The following LOC400499 variants were observed in gnomAD, a reference collection of about 807,000 sequenced individuals.
chr16:11,502,072 C>G, the LOC400499 span: 14 of 399,040 alleles, frequency 3.5e-5, no homozygotes, highest in African/African-American at 2.7e-4. Flanking sequence ...GGAGAGGGAC[C>G]TTACCCATTG....
At chr16:11,476,196 CGAGGAGG>C in the LOC400499 span, among the ~76,000 whole-genome samples, 1 of 151,508 alleles carries the variant, frequency 6.6e-6, no homozygotes, top group African/African-American at 2.4e-5. Context: ...GGGGCAGATG[CGAGGAGG>C]GAGGAGGGAG....
chr16:11,387,400 G>C, the LOC400499 span: 5 of 929,770 alleles, frequency 5.4e-6, no homozygotes, highest in Non-Finnish European at 7.0e-6. Context: ...GCAGTGGAGA[G>C]CATGAGGGTG....
At chr16:11,384,363 C>G in the LOC400499 span, 1 of 1,134,824 alleles carries the variant, frequency 8.8e-7, no homozygotes, top group Non-Finnish European at 1.1e-6. Flanking sequence ...GCCGTAAGAC[C>G]CTGTGATCCT....
the LOC400499 span, chr16:11,494,573 A>G: frequency 2.5e-6 from 1 of 397,946 alleles, no homozygotes; most frequent in African/African-American, 2.1e-5. Flanking sequence ...GGATGTCCTC[A>G]CCTTGTCATC....
At chr16:11,412,327 T>C in the LOC400499 span, among the ~76,000 whole-genome samples, 2 of 152,312 alleles carry the variant, frequency 1.3e-5, no homozygotes, top group African/African-American at 4.8e-5. Flanking sequence ...GTGGCCTCTA[T>C]ACACTGACTC....
the LOC400499 span, among the ~76,000 whole-genome samples, chr16:11,415,247 G>A: frequency 1.3e-5 from 2 of 152,302 alleles, no homozygotes; most frequent in African/African-American, 4.8e-5. Flanking sequence ...AACTCCCTTT[G>A]CTATACAGAG....
chr16:11,382,213 C>T, the LOC400499 span, among the ~76,000 whole-genome samples: 6 of 152,264 alleles, frequency 3.9e-5, no homozygotes, highest in Non-Finnish European at 8.8e-5. Context: ...GCTGGGATTA[C>T]AGGCATAAGC....
the LOC400499 span, among the ~76,000 whole-genome samples, chr16:11,389,243 C>T: frequency 6.6e-6 from 1 of 152,176 alleles, no homozygotes. Flanking sequence ...TAGGATCCAC[C>T]CCCCCATCTC....
At chr16:11,444,699 C>G in the LOC400499 span, among the ~76,000 whole-genome samples, 1 of 152,206 alleles carries the variant, frequency 6.6e-6, no homozygotes, top group African/African-American at 2.4e-5. Flanking sequence ...TGAGCACCTA[C>G]TGTGTACCAA....
At chr16:11,519,221 G>A in the LOC400499 span, among the ~76,000 whole-genome samples, 14 of 152,254 alleles carry the variant, frequency 9.2e-5, 1 homozygote, top group Admixed American at 6.5e-4. Context: ...CCAAAAAGAC[G>A]CTGGAAGTTT....
the LOC400499 span, among the ~76,000 whole-genome samples, chr16:11,510,935 G>C: frequency 6.6e-6 from 1 of 151,462 alleles, no homozygotes. Flanking sequence ...AACGGGGCCA[G>C]GATGATGTGA....
the LOC400499 span, among the ~76,000 whole-genome samples, chr16:11,458,087 G>C: frequency 9.2e-5 from 14 of 152,346 alleles, no homozygotes; most frequent in East Asian, 1.4e-3. Flanking sequence ...GCTCACGCCA[G>C]TAATCCCAAC....
the LOC400499 span, among the ~76,000 whole-genome samples, chr16:11,522,741 C>G: frequency 1.3e-5 from 2 of 152,188 alleles, no homozygotes; most frequent in African/African-American, 4.8e-5. Flanking sequence ...CACCTATCAT[C>G]TTGATGGATA....
chr16:11,446,507 G>T, the LOC400499 span: 1 of 1,517,828 alleles, frequency 6.6e-7, no homozygotes, highest in Non-Finnish European at 8.8e-7. Flanking sequence ...ACTTGAACCA[G>T]GGCTGGCTGG....
chr16:11,493,214 G>C, the LOC400499 span, among the ~76,000 whole-genome samples: 1 of 152,218 alleles, frequency 6.6e-6, no homozygotes, highest in Non-Finnish European at 1.5e-5. Context: ...TCTGTAAAGG[G>C]ACAGAGAACT....
At chr16:11,452,062 GTT>G in the LOC400499 span, among the ~76,000 whole-genome samples, 1 of 152,100 alleles carries the variant, frequency 6.6e-6, no homozygotes. Context: ...TTCCAAACAA[GTT>G]TTGAGTCTCC....
the LOC400499 span, among the ~76,000 whole-genome samples, chr16:11,376,186 C>T: frequency 6.6e-6 from 1 of 152,314 alleles, no homozygotes; most frequent in Non-Finnish European, 1.5e-5. Flanking sequence ...TAATAGTATC[C>T]TTCAATGCGA....
chr16:11,502,764 G>C, the LOC400499 span, among the ~76,000 whole-genome samples: 1 of 150,548 alleles, frequency 6.6e-6, no homozygotes, highest in African/African-American at 2.4e-5. Context: ...ACAGGCACCT[G>C]TGACCACGTC....
chr16:11,404,420 C>G, the LOC400499 span, among the ~76,000 whole-genome samples: 1 of 152,112 alleles, frequency 6.6e-6, no homozygotes, highest in African/African-American at 2.4e-5. Context: ...AATCTCGGCT[C>G]TCTGCAACCT....
Sources: allele counts gnomAD v4.1 joint callset (sites outside exome capture counted in the v4.1 genomes callset), GRCh38; gene constraint gnomAD v4.1.1; transcripts MANE v1.5.